SLAIN1: variants seen among roughly 807,000 people sequenced by gnomAD.
SLAIN1 encodes the protein SLAIN motif-containing protein 1.
In SLAIN1, 17 loss-of-function variants were observed where a neutral mutation model predicts 55.4. The observed-to-expected ratio is 0.31, with a 90% CI of 0.21 to 0.46. The LOEUF is 0.46. Ranked by LOEUF, SLAIN1 falls within the 20% of genes least tolerant of loss-of-function variation. The pLI is 1.00. For synonymous variants in SLAIN1, 348 were observed against 337.4 expected (o/e 1.03, Z -0.35); for missense variants, 682 against 785.1 (o/e 0.87, Z 1.57).
At chr13:77,721,411 A>G (rs2091261036) in intron 2 of SLAIN1, among the ~76,000 whole-genome samples, 1 of 152,160 alleles carries the variant, frequency 6.6e-6, no homozygotes, top group African/African-American at 2.4e-5. Flanking sequence ...ACTAATACAC[A>G]AACCATTAAA....
intron 2 of SLAIN1, chr13:77,741,435 A>AC: frequency 2.0e-6 from 2 of 987,424 alleles, no homozygotes; most frequent in South Asian, 9.4e-5. Flanking sequence ...AAGCTGCTTA[A>AC]CCACTGTAAG....
intron 5 of SLAIN1, 149 bp downstream of exon 5, chr13:77,753,507 A>C (rs1874388506): frequency 2.9e-6 from 1 of 346,974 alleles, no homozygotes. Flanking sequence ...TTATTTTTTT[A>C]TTTCACCATT....
intron 2 of SLAIN1, among the ~76,000 whole-genome samples, chr13:77,730,119 T>C (rs924974306): frequency 6.6e-6 from 1 of 151,986 alleles, no homozygotes; most frequent in African/African-American, 2.4e-5. Context: ...GCTGTTGTGG[T>C]TGGGGTGTAA....
At chr13:77,741,118 T>C (rs1873406153) in intron 2 of SLAIN1, 1 of 983,960 alleles carries the variant, frequency 1.0e-6, no homozygotes. Flanking sequence ...TTACTTGTGA[T>C]GTGCTGCCGC....
At position 77,753,171 on chromosome 13, in the gene SLAIN1, G is replaced by A. The variant is rs73547788; in HGVS notation, c.1259-32G>A. On this transcript the variant is annotated intron_variant, in intron 4 of 6. Transcript: ENST00000418532. ...CTAGTACTTTGGTTGCATAACATCTGTCATTTTTAACTTAGTAAAATTCTT... is the reference window on the plus strand; with the variant it reads ...CTAGTACTTTGGTTGCATAACATCTATCATTTTTAACTTAGTAAAATTCTT... 6,789 of 1,553,364 alleles carry A rather than the reference G, an allele frequency of 4.4e-3. 249 individuals are homozygous for A. The African/African-American group carries it at 0.082, about 19-fold the overall frequency.
chr13:77,721,119 G>A (rs773645626), intron 2 of SLAIN1, among the ~76,000 whole-genome samples: 4 of 152,142 alleles, frequency 2.6e-5, no homozygotes, highest in Non-Finnish European at 4.4e-5. Flanking sequence ...GAGGCACCTG[G>A]TGGGAGGTGA....
chr13:77,709,827 A>T (rs1388118405), intron 1 of SLAIN1, among the ~76,000 whole-genome samples: 1 of 152,010 alleles, frequency 6.6e-6, no homozygotes, highest in Non-Finnish European at 1.5e-5. Context: ...CCGGAGTGCA[A>T]TGGCGCGATC....
Position 77,727,574 on chromosome 13 carries a change from G to A in SLAIN1, c.766+7903G>A, listed in dbSNP as rs572894312. ...GTTCATTAAAGTGTTAGTTCTGAGC[G>A]TGGGGGTTTCAGTCTGTTTTGTTCA... is the stretch of plus-strand genomic sequence containing the variant. On this transcript the variant is annotated intron_variant, in intron 2 of 6. Coordinates refer to ENST00000418532, the MANE Select transcript of SLAIN1 (RefSeq NM_001242868.2). Among the ~76,000 whole-genome samples the A allele has an allele frequency of 9.9e-5, 15 of 151,908 alleles. No homozygotes were observed. The South Asian group carries it at 1.4e-3, about 15-fold the overall frequency.
Position 77,710,291 on chromosome 13 carries a change from A to G in SLAIN1, c.627-9241A>G, listed in dbSNP as rs547983078. ...TAAAAGACACAGATTGGCAAATTGTATAAAGAGTCAAGACCCATTGGTGTG... is the reference window on the plus strand; with the variant it reads ...TAAAAGACACAGATTGGCAAATTGTGTAAAGAGTCAAGACCCATTGGTGTG... On this transcript the variant is annotated intron_variant, in intron 1 of 6. Coordinates refer to ENST00000418532, the MANE Select transcript of SLAIN1 (RefSeq NM_001242868.2). Among the ~76,000 whole-genome samples, 10 of 152,308 alleles carry G rather than the reference A, an allele frequency of 6.6e-5. No homozygotes were observed. In the East Asian group the frequency reaches 1.9e-3, roughly 29 times the overall value.
chr13:77,735,832 C>T (rs969550029), intron 2 of SLAIN1, among the ~76,000 whole-genome samples: 2 of 151,912 alleles, frequency 1.3e-5, no homozygotes, highest in African/African-American at 4.8e-5. Flanking sequence ...CCTTCCAGAC[C>T]CCATCTAACT....
At chr13:77,699,095 C>G in intron 1 of SLAIN1, 2 of 1,503,478 alleles carry the variant, frequency 1.3e-6, no homozygotes, top group Non-Finnish European at 1.8e-6. Context: ...GTCGTGTGCC[C>G]TTTTGCGTTG....
Position 77,697,888 on chromosome 13 carries a change from C to T in SLAIN1, c.-26C>T, listed in dbSNP as rs1021958107. The T allele has an allele frequency of 3.9e-5, 52 of 1,331,252 alleles. No individual in the cohort carries two copies. Among genetic ancestry groups the T allele is most frequent in the Non-Finnish European group, 4.7e-5 (49 of 1,037,028 alleles). 82.5% of individuals were successfully genotyped at this position (1,331,252 alleles called of 1,614,324 possible). A position where few individuals can be genotyped will look rare whatever the true frequency, so the allele number is the denominator to read the frequency against. On this transcript the variant is annotated 5_prime_UTR_variant, in exon 1 of 7. Transcript: ENST00000418532. ...CGGCGCGGCGGCGCGCACTCCCCGG[C>T]GGCCGCGGCGCCCTCGGGGCCCACG... is the stretch of plus-strand genomic sequence containing the variant.
chr13:77,746,546 T>C lies in SLAIN1; in HGVS notation c.949T>C (p.Ser317Pro). ...GCAAGATTATGCTTCTACTTCAGCATCTGTATCAAGACATAGTTCCAGTGT... is the reference window on the plus strand; with the variant it reads ...GCAAGATTATGCTTCTACTTCAGCACCTGTATCAAGACATAGTTCCAGTGT... ...LRQDYASTSA[S>P]VSRHSSSVSL... The change falls in exon 4 of 7, where the codon TCT becomes CCT. Residue 317 changes from serine (S) to proline (P), a missense_variant. Around this residue, in one of 3 missense-constraint regions of SLAIN1, gnomAD observed 37 missense variants for 72.6 expected, o/e 0.51. Coordinates refer to ENST00000418532, the MANE Select transcript of SLAIN1 (RefSeq NM_001242868.2). The C allele has an allele frequency of 6.2e-7, 1 of 1,609,650 alleles. No individual in the cohort carries two copies. Among genetic ancestry groups the C allele is most frequent in the Non-Finnish European group, 8.5e-7 (1 of 1,176,482 alleles).
chr13:77,753,117 A>G, intron 4 of SLAIN1, 86 bp from the exon 5 acceptor site: 1 of 1,231,120 alleles, frequency 8.1e-7, no homozygotes. Context: ...ATTGAGCACA[A>G]TATGACTTTT....
chr13:77,702,194 T>C (rs1038143942), intron 1 of SLAIN1, among the ~76,000 whole-genome samples: 13 of 151,934 alleles, frequency 8.6e-5, no homozygotes, highest in African/African-American at 3.1e-4. Flanking sequence ...TGGTTCCAAG[T>C]CTTTGCTATC....
chr13:77,722,268 A>G (rs1470193350), intron 2 of SLAIN1, among the ~76,000 whole-genome samples: 1 of 152,138 alleles, frequency 6.6e-6, no homozygotes, highest in Non-Finnish European at 1.5e-5. Context: ...TGTGACACTA[A>G]ATGTTTTTAT....
intron 2 of SLAIN1, among the ~76,000 whole-genome samples, chr13:77,735,046 A>ATAAC (rs1477595746): frequency 6.6e-6 from 1 of 151,986 alleles, no homozygotes; most frequent in Non-Finnish European, 1.5e-5. Flanking sequence ...AAATAAATAA[A>ATAAC]TAAATAAAAA....
At chr13:77,753,404 AT>A in intron 5 of SLAIN1, 46 bp downstream of exon 5, 1 of 1,000,146 alleles carries the variant, frequency 1.0e-6, no homozygotes, top group South Asian at 4.2e-5. Flanking sequence ...TAATTGTATA[AT>A]TTTTTATAAT....
At chr13:77,724,203 G>A (rs1212714963) in intron 2 of SLAIN1, among the ~76,000 whole-genome samples, 4 of 152,172 alleles carry the variant, frequency 2.6e-5, no homozygotes, top group African/African-American at 9.7e-5. Context: ...TAGGAGAGGA[G>A]CAGTTGCCTG....
Sources: allele counts gnomAD v4.1 joint callset (sites outside exome capture counted in the v4.1 genomes callset), GRCh38; gene constraint gnomAD v4.1.1; regional missense constraint gnomAD v4.1.1; transcripts MANE v1.5; gene names NCBI Gene and HGNC (gene_info 2026-07-23, HGNC 2026-07-21).